The following TFB1M variants were observed in gnomAD, a reference collection of about 807,000 sequenced individuals.
TFB1M encodes dimethyladenosine transferase 1, mitochondrial.
A neutral mutation model predicts 31.1 loss-of-function variants in TFB1M; 27 were observed. That is an observed-to-expected ratio of 0.87 (90% CI 0.64 to 1.20). TFB1M has a LOEUF of 1.20. Ranked by LOEUF, TFB1M falls within the 50% of genes most tolerant of loss-of-function variation. The pLI, the probability that TFB1M is intolerant of heterozygous loss-of-function variation, is 0.00. For missense variants in TFB1M, 394 were observed against 418.7 expected (o/e 0.94, Z 0.51); for synonymous variants, 166 against 151.8 (o/e 1.09, Z -0.69).
intron 4 of TFB1M, among the ~76,000 whole-genome samples, chr6:155,290,205 T>C (rs1263728465): frequency 6.6e-6 from 1 of 151,630 alleles, no homozygotes; most frequent in African/African-American, 2.4e-5. Flanking sequence ...GCTAACATGG[T>C]GAAACCCCGT....
intron 5 of TFB1M, among the ~76,000 whole-genome samples, chr6:155,271,841 C>G (rs188277096): frequency 4.8e-4 from 73 of 152,234 alleles, no homozygotes; most frequent in African/African-American, 1.7e-3. Context: ...CCAAATAATT[C>G]CTCCTCTGTA....
At position 155,296,935 on chromosome 6, in the gene TFB1M, C is replaced by T. The variant is rs766905185; in HGVS notation, c.546+18G>A. On this transcript the variant is annotated intron_variant, in intron 4 of 6. Transcript: ENST00000367166. ...ATTTGAACATGTGATAAAATAGTCA[C>T]AAAATGTTAAAACTTACCTCTGCCA... The T allele has an allele frequency of 1.2e-5, 19 of 1,611,434 alleles. No homozygotes were observed. The highest frequency in any genetic ancestry group is 1.4e-5 in the Non-Finnish European group (16 of 1,178,062).
At position 155,257,614 on chromosome 6, in the gene TFB1M, A is replaced by G; in HGVS notation, c.*222T>C. The G allele has an allele frequency of 1.9e-6, 1 of 540,338 alleles. No individual in the cohort carries two copies. Among genetic ancestry groups the G allele is most frequent in the East Asian group, 3.2e-5 (1 of 30,796 alleles). The allele number at this position is 540,338 out of a possible 1,614,324, so 33.5% of individuals were successfully genotyped here. ...GTAATAGATGCTGTTTATACTAAAC[A>G]TGTCATAACTATCTATACAGTATAT... On this transcript the variant is annotated 3_prime_UTR_variant, in exon 7 of 7. Coordinates refer to ENST00000367166, the MANE Select transcript of TFB1M (RefSeq NM_016020.4).
intron 5 of TFB1M, among the ~76,000 whole-genome samples, chr6:155,270,482 A>G (rs1784868986): frequency 6.6e-6 from 1 of 152,158 alleles, no homozygotes; most frequent in Non-Finnish European, 1.5e-5. Flanking sequence ...TTCTGCCTTC[A>G]TTAAAGGTCT....
intron 2 of TFB1M, among the ~76,000 whole-genome samples, chr6:155,301,006 T>C (rs372961485): frequency 1.2e-4 from 18 of 152,226 alleles, no homozygotes; most frequent in South Asian, 6.2e-4. Flanking sequence ...GGTTTCACCA[T>C]GTTGCCCAGG....
downstream of TFB1M, chr6:155,254,148 T>A (rs1783854903): frequency 7.2e-7 from 1 of 1,391,132 alleles, no homozygotes; most frequent in Admixed American, 2.1e-5. Flanking sequence ...CCCTCCTGAA[T>A]TTTGATGATA....
downstream of TFB1M, chr6:155,252,913 C>G: frequency 6.3e-7 from 1 of 1,577,994 alleles, no homozygotes; most frequent in East Asian, 2.2e-5. Context: ...TGACAGCTTC[C>G]CTAACACTTT....
the TFB1M span, among the ~76,000 whole-genome samples, chr6:155,240,229 C>T: frequency 6.6e-6 from 1 of 152,382 alleles, no homozygotes; most frequent in African/African-American, 2.4e-5. Flanking sequence ...ACCTTGACTG[C>T]AGAGGGTTAG....
chr6:155,248,035 G>A, the TFB1M span: 146 of 1,613,998 alleles, frequency 9.0e-5, no homozygotes, highest in Non-Finnish European at 1.2e-4. Flanking sequence ...TTTTCTGGAC[G>A]CCCGGAACCC....
chr6:155,314,464 C>T lies in TFB1M; in HGVS notation c.-36G>A. On this transcript the variant is annotated 5_prime_UTR_variant, in exon 1 of 7. Coordinates refer to ENST00000367166, the MANE Select transcript of TFB1M (RefSeq NM_016020.4). ...AAGCACCATCCAACCCTACCTCACC[C>T]AGGACCTTCACCGCCGCTCCGAAAG... is the stretch of plus-strand genomic sequence containing the variant. 6.2e-7 allele frequency: 1 copy of T among 1,612,904 alleles called. No homozygotes were observed. The highest frequency in any genetic ancestry group is 8.5e-7 in the Non-Finnish European group (1 of 1,179,488).
chr6:155,306,493 T>A (rs927878656), intron 2 of TFB1M, among the ~76,000 whole-genome samples: 1 of 152,062 alleles, frequency 6.6e-6, no homozygotes, highest in Non-Finnish European at 1.5e-5. Flanking sequence ...AACAGGTGAA[T>A]AGATTCACAA....
chr6:155,255,657 A>G (rs1040169301), downstream of TFB1M: 8 of 151,952 alleles, frequency 5.3e-5, no homozygotes, highest in African/African-American at 1.9e-4. Context: ...AAAATTTCAG[A>G]AAGTTGTTTT....
chr6:155,262,524 G>A lies in TFB1M; in HGVS notation c.667-2124C>T, dbSNP rs200891611. On this transcript the variant is annotated intron_variant, in intron 5 of 6. Coordinates refer to ENST00000367166, the MANE Select transcript of TFB1M (RefSeq NM_016020.4). ...CATCTCCTGTAACCCTTCAACTCCA[G>A]TTCTCCCAGTGACAAAGAGCCAATT... Among the ~76,000 whole-genome samples, 6 of 152,168 alleles carry A rather than the reference G, an allele frequency of 3.9e-5. No homozygotes were observed. In the East Asian group the frequency reaches 1.2e-3, roughly 29 times the overall value.
At chr6:155,309,106 GAA>G (rs533689896) in intron 2 of TFB1M, among the ~76,000 whole-genome samples, 2 of 152,024 alleles carry the variant, frequency 1.3e-5, no homozygotes, top group Admixed American at 6.6e-5. Context: ...TTCACATTTA[GAA>G]AAAAGAGCAT....
intron 5 of TFB1M, among the ~76,000 whole-genome samples, chr6:155,273,500 T>G (rs1785034422): frequency 1.3e-5 from 2 of 152,228 alleles, no homozygotes; most frequent in Non-Finnish European, 2.9e-5. Context: ...TCAATCTCCT[T>G]GCCGAGTCAT....
Position 155,305,248 on chromosome 6 carries a change from ATATATATATTAAATTATATATT to A in TFB1M, c.285+5918_285+5939del, listed in dbSNP as rs1777639353. ...TATATATATATTAAATTATATATTTATATATATATTAAATTATATATTTATATATATATATTAAATTATATAT... is the reference window on the plus strand; with the variant it reads ...TATATATATATTAAATTATATATTTATATATATATATATTAAATTATATAT... On this transcript the variant is annotated intron_variant, in intron 2 of 6. Transcript: ENST00000367166. Among the ~76,000 whole-genome samples, 3 of 32,426 alleles carry A rather than the reference ATATATATATTAAATTATATATT, an allele frequency of 9.3e-5. 1 individual carries two copies. Among genetic ancestry groups the A allele is most frequent in the Admixed American group, 1.2e-3 (2 of 1,690 alleles). 21.3% of individuals were successfully genotyped at this position (32,426 alleles called of 152,430 possible).
intron 4 of TFB1M, among the ~76,000 whole-genome samples, chr6:155,290,214 G>A (rs1311666005): frequency 3.3e-5 from 5 of 151,536 alleles, no homozygotes; most frequent in Non-Finnish European, 4.4e-5. Flanking sequence ...GTGAAACCCC[G>A]TCTCTACTAA....
At chr6:155,272,784 G>A (rs868396121) in intron 5 of TFB1M, among the ~76,000 whole-genome samples, 4 of 152,204 alleles carry the variant, frequency 2.6e-5, no homozygotes, top group Middle Eastern at 3.4e-3. Context: ...TAAATGACAC[G>A]TCATATTGTT....
chr6:155,268,961 G>GAAAAAAAA (rs1784793326), intron 5 of TFB1M, among the ~76,000 whole-genome samples: 1 of 84,834 alleles, frequency 1.2e-5, no homozygotes. Flanking sequence ...AAAAAAAAAA[G>GAAAAAAAA]AAAAAAGAAA....
Sources: allele counts gnomAD v4.1 joint callset (sites outside exome capture counted in the v4.1 genomes callset), GRCh38; gene constraint gnomAD v4.1.1; transcripts MANE v1.5; gene names NCBI Gene and HGNC (gene_info 2026-07-23, HGNC 2026-07-21).